MCCC1: variants seen among roughly 807,000 people sequenced by gnomAD.
MCCC1 encodes the protein methylcrotonoyl-CoA carboxylase subunit alpha, mitochondrial.
MCCC1 carries 64 observed loss-of-function variants against 83.8 expected under a neutral mutation model. The observed-to-expected ratio is 0.76, with a 90% CI of 0.62 to 0.94. The LOEUF (loss-of-function observed/expected upper bound fraction) is 0.94, where lower values mean the gene tolerates loss of function less well. Among genes scored for constraint, MCCC1 ranks in the 40% least tolerant of loss-of-function variants. The pLI is 0.00. For synonymous variants in MCCC1, 322 were observed against 315.4 expected (o/e 1.02, Z -0.22); for missense variants, 807 against 904.7 (o/e 0.89, Z 1.39).
At chr3:183,061,805 G>C (rs778637462) in intron 7 of MCCC1, among the ~76,000 whole-genome samples, 1 of 152,182 alleles carries the variant, frequency 6.6e-6, no homozygotes, top group Non-Finnish European at 1.5e-5. Context: ...ACATGTTGGA[G>C]CTGAAGTGTT....
chr3:183,114,174 T>C (rs577667589), intron 1 of MCCC1, among the ~76,000 whole-genome samples: 23 of 152,328 alleles, frequency 1.5e-4, no homozygotes, highest in South Asian at 4.1e-4. Context: ...CCCAAAGCCC[T>C]GTGTCTATCA....
intron 16 of MCCC1, among the ~76,000 whole-genome samples, chr3:183,022,064 G>A (rs1712199713): frequency 6.6e-6 from 1 of 152,146 alleles, no homozygotes; most frequent in Non-Finnish European, 1.5e-5. Context: ...CAGTTGTCAG[G>A]GGGATGGTGG....
chr3:183,099,665 T>C, upstream of MCCC1: 1 of 612,996 alleles, frequency 1.6e-6, no homozygotes, highest in Non-Finnish European at 2.9e-6. Context: ...GGCCACGTGC[T>C]CGTGGGGGTG....
chr3:183,057,431 A>C lies in MCCC1; in HGVS notation c.762-9T>G. On this transcript the variant is annotated splice_polypyrimidine_tract_variant and intron_variant, in intron 7 of 18. Transcript: ENST00000265594. ...CCTGGACTTCTACATGCCTATATAA[A>C]AGCAAACATGTATGTTAATATATTT... 1 of 1,581,556 alleles carries C rather than the reference A, an allele frequency of 6.3e-7. No homozygotes were observed. The highest frequency in any genetic ancestry group is 8.6e-7 in the Non-Finnish European group (1 of 1,156,422).
In MCCC1 at chr3:183,086,729, C is replaced by T. The variant is rs374540570; in HGVS notation, c.333G>A (p.Glu111=). The change falls in exon 4 of 19, where the codon GAG becomes GAA. Residue 111 remains glutamate (E), a synonymous_variant. Coordinates refer to ENST00000265594, the MANE Select transcript of MCCC1 (RefSeq NM_020166.5). The stretch of plus-strand genomic sequence containing the variant: ...AGGTCTTGGCCACTTGAATGATTTT[C>T]TCCATAGATAGGTAGCTCTGCTGGG... The part of the protein sequence containing the change: ...APSQQSYLSM[E]KIIQVAKTSA... The T allele has an allele frequency of 1.2e-6, 2 of 1,614,072 alleles. No homozygotes were observed. The highest frequency in any genetic ancestry group is 2.7e-5 in the African/African-American group (2 of 74,938).
intron 1 of MCCC1, chr3:183,099,090 CCA>C (rs1380034288): frequency 1.7e-6 from 1 of 581,452 alleles, no homozygotes; most frequent in Non-Finnish European, 3.1e-6. Context: ...GATGGCGGGC[CCA>C]GTCCTCAGAA....
At chr3:183,091,265 G>C (rs568641337) in intron 3 of MCCC1, among the ~76,000 whole-genome samples, 1 of 152,192 alleles carries the variant, frequency 6.6e-6, no homozygotes, top group Admixed American at 6.5e-5. Flanking sequence ...AGTTATTTCT[G>C]GTGGATAAAA....
intron 7 of MCCC1, among the ~76,000 whole-genome samples, chr3:183,062,489 C>T (rs979713569): frequency 1.3e-5 from 2 of 151,606 alleles, no homozygotes; most frequent in South Asian, 2.1e-4. Context: ...CAAGTAGCTG[C>T]GACTACAGGC....
chr3:183,099,258 G>T, intron 1 of MCCC1, 94 bp downstream of exon 1: 1 of 1,438,044 alleles, frequency 7.0e-7, no homozygotes, highest in South Asian at 1.2e-5. Context: ...TCCCCACACC[G>T]ACCCTGGGTT....
At chr3:183,103,289 C>A (rs1375849678), upstream of MCCC1, among the ~76,000 whole-genome samples, 1 of 152,024 alleles carries the variant, frequency 6.6e-6, no homozygotes, top group Non-Finnish European at 1.5e-5. Flanking sequence ...CAGACCCGAG[C>A]GGGTTGGCAC....
At chr3:183,115,792 CA>C (rs745785514) in exon 1 of MCCC1, 6 of 152,168 alleles carry the variant, frequency 3.9e-5, no homozygotes, top group Non-Finnish European at 8.8e-5. Context: ...GCGGAAGTTG[CA>C]GTGAGCCGAG....
At chr3:183,102,761 T>G (rs866924741), upstream of MCCC1, among the ~76,000 whole-genome samples, 27 of 27,078 alleles carry the variant, frequency 1.0e-3, no homozygotes, top group East Asian at 6.4e-3. Flanking sequence ...AGAGAAAGTT[T>G]TTTTTTTTTT....
chr3:183,068,726 A>T (rs1716433886), intron 7 of MCCC1, among the ~76,000 whole-genome samples: 1 of 152,226 alleles, frequency 6.6e-6, no homozygotes, highest in Non-Finnish European at 1.5e-5. Flanking sequence ...GAGCTGAAAA[A>T]TTCCTATCAT....
At chr3:183,026,201 C>T (rs1179206812) in intron 14 of MCCC1, among the ~76,000 whole-genome samples, 16 of 152,160 alleles carry the variant, frequency 1.1e-4, no homozygotes, top group African/African-American at 2.6e-4. Flanking sequence ...CCACCACGCC[C>T]GGCTAATTTT....
rs564922630 is a variant in MCCC1, at chr3:183,091,936, GTCGAGGCAGGAGAA to G, written c.273+459_273+472del. ...ACCTATAGTTCCAGCTACTCTAGACGTCGAGGCAGGAGAATCGAGGCAGGAGAATCGCTTGAACC... is the reference window on the plus strand; with the variant it reads ...ACCTATAGTTCCAGCTACTCTAGACGTCGAGGCAGGAGAATCGCTTGAACC... On this transcript the variant is annotated intron_variant, in intron 3 of 18. Transcript: ENST00000265594. 2.7e-3 allele frequency among the ~76,000 whole-genome samples: 404 copies of G among 151,980 alleles called. 11 individuals are homozygous for G. In the South Asian group the frequency reaches 0.044, roughly 17 times the overall value.
chr3:183,023,329 T>G (rs1712313336), intron 15 of MCCC1, among the ~76,000 whole-genome samples: 1 of 152,198 alleles, frequency 6.6e-6, no homozygotes, highest in African/African-American at 2.4e-5. Flanking sequence ...ACTGCAATAT[T>G]TACACATTGG....
At chr3:183,036,804 G>T (rs1250826698) in intron 13 of MCCC1, among the ~76,000 whole-genome samples, 1 of 152,074 alleles carries the variant, frequency 6.6e-6, no homozygotes, top group Non-Finnish European at 1.5e-5. Flanking sequence ...CTTCTAAAGT[G>T]CTGGGATCAC....
At chr3:183,108,664 G>A (rs191600154) in intron 1 of MCCC1, among the ~76,000 whole-genome samples, 3 of 152,324 alleles carry the variant, frequency 2.0e-5, no homozygotes, top group Admixed American at 1.3e-4. Flanking sequence ...TGGAAGTGGA[G>A]GTACAGAGTT....
chr3:183,031,888 C>G (rs1444309083), intron 14 of MCCC1, among the ~76,000 whole-genome samples: 1 of 151,236 alleles, frequency 6.6e-6, no homozygotes, highest in Non-Finnish European at 1.5e-5. Flanking sequence ...AGGCTGATCT[C>G]AAACTCCTGC....
Sources: allele counts gnomAD v4.1 joint callset (sites outside exome capture counted in the v4.1 genomes callset), GRCh38; gene constraint gnomAD v4.1.1; transcripts MANE v1.5; gene names NCBI Gene and HGNC (gene_info 2026-07-23, HGNC 2026-07-21).